Variants in RTCB observed in about 807,000 individuals in gnomAD.
RTCB encodes the protein RNA 2',3'-cyclic phosphate and 5'-OH ligase, also known as RNA-splicing ligase RTCB.
In RTCB, 32 loss-of-function variants were observed where a neutral mutation model predicts 58.2. The observed-to-expected ratio is 0.55, with a 90% confidence interval of 0.41 to 0.74. RTCB has a LOEUF of 0.74. RTCB is among the 30% of genes least tolerant of loss of function. RTCB has a pLI of 0.00. For synonymous variants in RTCB, 247 were observed against 218.6 expected, an observed-to-expected ratio of 1.13 and a Z score of -1.15; for missense variants, 523 against 639.0, an observed-to-expected ratio of 0.82 and a Z score of 1.96.
At chr22:32,409,028 T>G (rs5754074) in intron 1 of RTCB, among the ~76,000 whole-genome samples, 195 bp from the exon 2 acceptor site, 1 of 152,148 alleles carries the variant, frequency 6.6e-6, no homozygotes, top group East Asian at 1.9e-4. Flanking sequence ...TTAAGAAAAA[T>G]TCTGCAATGT....
Position 32,407,989 on chromosome 22 carries a change from A to G in RTCB, c.240+186T>C, listed in dbSNP as rs193042373. The G allele has an allele frequency of 8.1e-5, 48 of 596,212 alleles. 1 individual carries two copies. In the East Asian group the frequency reaches 1.4e-3, roughly 17 times the overall value. 36.9% of individuals were successfully genotyped at this position (596,212 alleles called of 1,614,324 possible). Reference sequence around the variant, plus strand: ...AGACTAGTCTTGAATTCCTGGGCTCATGCAATCCTTCCATCTTGGTCTCTC... The same window carrying G: ...AGACTAGTCTTGAATTCCTGGGCTCGTGCAATCCTTCCATCTTGGTCTCTC... On this transcript the variant is annotated intron_variant, in intron 3 of 11. Transcript: ENST00000216038.
intron 1 of RTCB, among the ~76,000 whole-genome samples, chr22:32,409,180 T>C (rs1274573880): frequency 1.4e-5 from 2 of 141,478 alleles, no homozygotes; most frequent in Admixed American, 7.3e-5. Flanking sequence ...GCTTCAAAAA[T>C]ATCAATGGTT....
At chr22:32,395,346 G>A (rs185324805) in intron 8 of RTCB, 132 bp from the exon 9 acceptor site, 28 of 706,692 alleles carry the variant, frequency 4.0e-5, no homozygotes, top group Admixed American at 3.2e-4. Context: ...AAAAGTAGCC[G>A]TAAGATTATC....
intron 1 of RTCB, 140 bp downstream of exon 1, chr22:32,411,924 G>C: frequency 1.6e-6 from 1 of 634,196 alleles, no homozygotes. Context: ...GAACCGTGAG[G>C]GGAGAAGGAC....
In RTCB at chr22:32,393,936, C is replaced by A; in HGVS notation, c.1246G>T (p.Glu416Ter). Residue 416 changes from glutamate to a stop codon, truncating the protein, a stop_gained, in exon 10 of 12, where the codon GAA (glutamate) becomes TAA (stop). Coordinates refer to ENST00000216038, the MANE Select transcript of RTCB (RefSeq NM_014306.5). LOFTEE classifies it high-confidence loss of function. ...CCAAAGGTCTCAGTCATGCCCTGTT[C>A]AGTGCCAGTAAGAACATAACTACAG... The part of the protein sequence containing the change: ...GTCSYVLTGT[E>*]QGMTETFGTT... The A allele has an allele frequency of 6.2e-7, 1 of 1,614,138 alleles. No individual in the cohort carries two copies.
At position 32,393,865 on chromosome 22, in the gene RTCB, T is replaced by G. The variant is rs775898130; in HGVS notation, c.1290+27A>C. 4 of 1,480,800 alleles carry G rather than the reference T, an allele frequency of 2.7e-6. No individual in the cohort carries two copies. The African/African-American group carries it at 4.2e-5, about 15-fold the overall frequency. The allele number at this position is 1,480,800 out of a possible 1,614,324, so 91.7% of individuals were successfully genotyped here. A position where few individuals can be genotyped will look rare whatever the true frequency, so the allele number is the denominator to read the frequency against. On this transcript the variant is annotated intron_variant, in intron 10 of 11. Transcript: ENST00000216038. ...ACCATAGCTAAACTGAAGAGAGCAT[T>G]TCTAAGGAAGTTTCTGTTTTCCTTA... is the stretch of plus-strand genomic sequence containing the variant.
intron 3 of RTCB, among the ~76,000 whole-genome samples, 176 bp from the exon 4 acceptor site, chr22:32,406,937 G>A (rs1933436010): frequency 6.6e-6 from 1 of 151,952 alleles, no homozygotes. Flanking sequence ...TAATCACAAA[G>A]CTAAATACAG....
rs751922672 is a variant in RTCB at position 32,412,206 on chromosome 22, T to C, written c.-50A>G. The C allele has an allele frequency of 3.4e-6, 5 of 1,453,754 alleles. No homozygotes were observed. Among genetic ancestry groups the C allele is most frequent in the Non-Finnish European group, 4.7e-6 (5 of 1,058,546 alleles). 90.1% of individuals were successfully genotyped at this position (1,453,754 alleles called of 1,614,324 possible). A position where few individuals can be genotyped will look rare whatever the true frequency, so the allele number is the denominator to read the frequency against. On this transcript the variant is annotated 5_prime_UTR_variant, in exon 1 of 12. Transcript: ENST00000216038. ...TCCCGGCTCCGCTTTGAAGAGCCGC[T>C]GCCGCGTAGTCCGGCTTCTCAGAGC...
chr22:32,399,828 C>A, intron 5 of RTCB, 69 bp from the exon 6 acceptor site: 1 of 1,404,684 alleles, frequency 7.1e-7, no homozygotes, highest in Non-Finnish European at 9.6e-7. Flanking sequence ...ATGACCACAT[C>A]CTTAAAGGGC....
chr22:32,396,432 T>C (rs1314126809), intron 7 of RTCB, among the ~76,000 whole-genome samples, 183 bp from the exon 8 acceptor site: 1 of 152,260 alleles, frequency 6.6e-6, no homozygotes, highest in Non-Finnish European at 1.5e-5. Context: ...CTTGAGAATC[T>C]TTCAGAGTGC....
In RTCB at chr22:32,396,127, C is replaced by A; in HGVS notation, c.937G>T (p.Ala313Ser). The change falls in exon 8 of 12, where the codon GCT becomes TCT. Residue 313 changes from alanine to serine, a missense_variant. Coordinates refer to ENST00000216038, the MANE Select transcript of RTCB (RefSeq NM_014306.5). ...GQDYLKGMAA[A>S]GNYAWVNRSS... ...CGGTTGACCCAGGCATAGTTCCCAG[C>A]AGCTGCCATTCCCTTCAGATAGTCT... is the stretch of plus-strand genomic sequence containing the variant. The A allele has an allele frequency of 6.2e-7, 1 of 1,614,198 alleles. No individual in the cohort carries two copies. The highest frequency in any genetic ancestry group is 8.5e-7 in the Non-Finnish European group (1 of 1,180,040).
chr22:32,387,713 C>A lies in RTCB; in HGVS notation c.*279G>T. The A allele has an allele frequency of 2.8e-6, 1 of 359,842 alleles. No homozygotes were observed. The highest frequency in any genetic ancestry group is 3.9e-5 in the Admixed American group (1 of 25,454). The allele number at this position is 359,842 out of a possible 1,614,324, so 22.3% of individuals were successfully genotyped here. On this transcript the variant is annotated 3_prime_UTR_variant, in exon 12 of 12. Transcript: ENST00000216038. ...CTGCGTAAGGCAGTTTGACATCTAC[C>A]CATCCCTAACAGATTTTCCTAAAAC...
At chr22:32,411,448 T>C (rs554711541) in intron 1 of RTCB, among the ~76,000 whole-genome samples, 3 of 152,198 alleles carry the variant, frequency 2.0e-5, no homozygotes, top group Non-Finnish European at 4.4e-5. Flanking sequence ...CATCAAGTCC[T>C]GGCTGAGCTT....
chr22:32,408,094 C>T (rs1933458219), intron 3 of RTCB, 81 bp downstream of exon 3: 3 of 1,275,536 alleles, frequency 2.4e-6, no homozygotes, highest in Admixed American at 1.8e-5. Flanking sequence ...GTCTAAATGA[C>T]ACCACTATCA....
chr22:32,396,730 C>T (rs1388579390), intron 7 of RTCB, among the ~76,000 whole-genome samples: 1 of 152,200 alleles, frequency 6.6e-6, no homozygotes, highest in Non-Finnish European at 1.5e-5. Flanking sequence ...TTATTAAATT[C>T]TCACACAATA....
chr22:32,412,206 T>G lies in RTCB; in HGVS notation c.-50A>C, dbSNP rs751922672. Reference sequence around the variant, plus strand: ...TCCCGGCTCCGCTTTGAAGAGCCGCTGCCGCGTAGTCCGGCTTCTCAGAGC... The same window carrying G: ...TCCCGGCTCCGCTTTGAAGAGCCGCGGCCGCGTAGTCCGGCTTCTCAGAGC... On this transcript the variant is annotated 5_prime_UTR_variant, in exon 1 of 12. Transcript: ENST00000216038. 1 of 1,453,754 alleles carries G rather than the reference T, an allele frequency of 6.9e-7. No homozygotes were observed. Among genetic ancestry groups the G allele is most frequent in the Non-Finnish European group, 9.4e-7 (1 of 1,058,546 alleles). The allele number at this position is 1,453,754 out of a possible 1,614,324, so 90.1% of individuals were successfully genotyped here. A position where few individuals can be genotyped will look rare whatever the true frequency, so the allele number is the denominator to read the frequency against.
At chr22:32,388,223 TGA>T (rs1933090608) in intron 11 of RTCB, 124 bp from the exon 12 acceptor site, 1 of 604,548 alleles carries the variant, frequency 1.7e-6, no homozygotes, top group South Asian at 2.4e-5. Context: ...TTTTTGCCTA[TGA>T]AATTAGCAAA....
chr22:32,394,759 G>A (rs1283399873), intron 9 of RTCB, among the ~76,000 whole-genome samples: 1 of 152,094 alleles, frequency 6.6e-6, no homozygotes, highest in African/African-American at 2.4e-5. Flanking sequence ...AGTTACTCCT[G>A]TCTTCCACTA....
At chr22:32,392,569 C>T (rs941755358) in intron 10 of RTCB, 29 of 706,394 alleles carry the variant, frequency 4.1e-5, no homozygotes, top group African/African-American at 1.2e-4. Context: ...TATTCAGCAG[C>T]GCAGCGCAGT....
Sources: gnomAD v4.1 joint callset for allele counts (sites outside exome capture counted in the v4.1 genomes callset) on GRCh38, gnomAD v4.1.1 for gene constraint, MANE v1.5 for transcripts, NCBI Gene and HGNC (gene_info 2026-07-23, HGNC 2026-07-21) for gene names.